Variants in MGAT4C observed in about 807,000 individuals in gnomAD.
The protein encoded by MGAT4C is MGAT4 family member C.
A neutral mutation model predicts 40.1 loss-of-function variants in MGAT4C; 19 were observed. The observed-to-expected ratio is 0.47, with a 90% CI of 0.33 to 0.70. The LOEUF is 0.70. Ranked by LOEUF, MGAT4C falls within the 30% of genes least tolerant of loss-of-function variation. MGAT4C has a pLI of 0.02. For synonymous variants in MGAT4C, 181 were observed against 187.1 expected, an observed-to-expected ratio of 0.97 and a Z score of 0.27; for missense variants, 491 against 563.2, an observed-to-expected ratio of 0.87 and a Z score of 1.30.
At chr12:86,097,575 T>C (rs971610169) in intron 1 of MGAT4C, among the ~76,000 whole-genome samples, 3 of 151,634 alleles carry the variant, frequency 2.0e-5, no homozygotes, top group African/African-American at 7.2e-5. Context: ...TACTGGAAAT[T>C]ACCATAAGAC....
At chr12:86,552,309 G>A (rs1475593900) in intron 2 of MGAT4C, among the ~76,000 whole-genome samples, 2 of 151,840 alleles carry the variant, frequency 1.3e-5, no homozygotes, top group Non-Finnish European at 2.9e-5. Context: ...ACTCATTTGT[G>A]GAAGCAAAAA....
chr12:86,224,100 T>C (rs541651830), intron 1 of MGAT4C, among the ~76,000 whole-genome samples: 1 of 152,182 alleles, frequency 6.6e-6, no homozygotes, highest in African/African-American at 2.4e-5. Flanking sequence ...AGCCACCCAC[T>C]AACACTACGG....
At chr12:86,660,645 T>G (rs1251745603) in intron 2 of MGAT4C, among the ~76,000 whole-genome samples, 1 of 152,086 alleles carries the variant, frequency 6.6e-6, no homozygotes, top group Non-Finnish European at 1.5e-5. Context: ...AAAAGTGCAG[T>G]GAAGGCTGCT....
At chr12:86,115,316 G>C (rs963096662) in intron 1 of MGAT4C, among the ~76,000 whole-genome samples, 1 of 151,842 alleles carries the variant, frequency 6.6e-6, no homozygotes, top group African/African-American at 2.4e-5. Flanking sequence ...AGTGGAAAAA[G>C]GTGGAGGAAA....
chr12:86,304,336 T>C (rs7972484), intron 4 of MGAT4C, among the ~76,000 whole-genome samples: 99,008 of 150,014 alleles, frequency 0.66, 34,431 homozygotes, highest in South Asian at 0.78. Flanking sequence ...GTTGTTATTT[T>C]TGGCATTTTT....
chr12:86,252,652 G>A (rs1002090513), intron 1 of MGAT4C, among the ~76,000 whole-genome samples: 1 of 151,710 alleles, frequency 6.6e-6, no homozygotes, highest in Non-Finnish European at 1.5e-5. Context: ...TCTCTAGTTT[G>A]CTTGTTCAAA....
At chr12:86,320,056 C>T (rs1954342630) in intron 4 of MGAT4C, among the ~76,000 whole-genome samples, 1 of 152,078 alleles carries the variant, frequency 6.6e-6, no homozygotes, top group African/African-American at 2.4e-5. Context: ...CTGATATCTG[C>T]AGTTCTGCCC....
intron 2 of MGAT4C, among the ~76,000 whole-genome samples, chr12:86,558,334 A>T (rs1959708571): frequency 6.6e-6 from 1 of 152,178 alleles, no homozygotes; most frequent in Non-Finnish European, 1.5e-5. Flanking sequence ...AGTGATATTG[A>T]TATCTACATT....
rs1592594244 is a variant in MGAT4C at position 85,980,154 on chromosome 12, T to A, written c.572A>T (p.Asp191Val). Residue 191 changes from aspartate (D) to valine (V), a missense_variant, in exon 5 of 5, where the codon GAT (aspartate) becomes GTT (valine). By Grantham distance (152) the Asp-to-Val change is radical (BLOSUM62 -3). Coordinates refer to ENST00000611864, the MANE Select transcript of MGAT4C (RefSeq NM_001351288.2). ...ILDGLKRNYN[D>V]PEDRVKFRSK... ...ACGAAATTTGACTCTATCTTCTGGA[T>A]CATTGTAATTTCTTTTAAGGCCATC... 5.6e-6 allele frequency: 9 copies of A among 1,614,016 alleles called. No individual in the cohort carries two copies. The East Asian group carries it at 6.7e-5, about 12-fold the overall frequency.
At chr12:86,425,953 TC>T (rs1956917353) in intron 3 of MGAT4C, among the ~76,000 whole-genome samples, 1 of 152,156 alleles carries the variant, frequency 6.6e-6, no homozygotes, top group Non-Finnish European at 1.5e-5. Context: ...AATCATATAC[TC>T]CAGTCCAGAT....
chr12:86,744,152 G>A (rs1427676395), intron 1 of MGAT4C, among the ~76,000 whole-genome samples: 4 of 151,492 alleles, frequency 2.6e-5, no homozygotes, highest in Non-Finnish European at 5.9e-5. Flanking sequence ...TGCTCCACAA[G>A]AGCTGTAAAA....
At chr12:86,369,103 A>G (rs535627773) in intron 3 of MGAT4C, among the ~76,000 whole-genome samples, 2 of 151,868 alleles carry the variant, frequency 1.3e-5, no homozygotes, top group Non-Finnish European at 2.9e-5. Flanking sequence ...TGCCATTTTT[A>G]TTATTATGTA....
intron 4 of MGAT4C, among the ~76,000 whole-genome samples, chr12:85,982,532 G>T (rs1000751016): frequency 2.0e-5 from 3 of 152,136 alleles, no homozygotes; most frequent in Non-Finnish European, 1.5e-5. Flanking sequence ...AAATCAGGCT[G>T]CATACTAAAA....
At chr12:86,437,678 A>G (rs1200631990) in intron 2 of MGAT4C, among the ~76,000 whole-genome samples, 1 of 151,974 alleles carries the variant, frequency 6.6e-6, no homozygotes, top group African/African-American at 2.4e-5. Flanking sequence ...TTTCTAATAC[A>G]AAGTGCTCAC....
chr12:86,456,706 A>T (rs1355682362), intron 2 of MGAT4C, among the ~76,000 whole-genome samples: 1 of 152,122 alleles, frequency 6.6e-6, no homozygotes, highest in African/African-American at 2.4e-5. Flanking sequence ...AGAAAGCCTG[A>T]AAAGGGGGCA....
chr12:86,228,828 A>C (rs542550436), intron 1 of MGAT4C, among the ~76,000 whole-genome samples: 8 of 152,066 alleles, frequency 5.3e-5, no homozygotes, highest in Non-Finnish European at 8.9e-5. Context: ...TCTTGTTAAG[A>C]TCAGCAAAGT....
chr12:86,460,564 A>T (rs950774027), intron 2 of MGAT4C, among the ~76,000 whole-genome samples: 2 of 152,064 alleles, frequency 1.3e-5, no homozygotes, highest in Non-Finnish European at 2.9e-5. Flanking sequence ...GAAAGACTTC[A>T]TATTGTTTTA....
intron 1 of MGAT4C, among the ~76,000 whole-genome samples, chr12:86,090,292 T>TA (rs1872665718): frequency 6.6e-6 from 1 of 151,756 alleles, no homozygotes. Context: ...TATATTCATT[T>TA]AAAAACTTTA....
rs188521174 is a variant in MGAT4C, at chr12:86,051,793, A to G, written c.-56-2070T>C. On this transcript the variant is annotated intron_variant, in intron 1 of 4. Coordinates refer to ENST00000611864, the MANE Select transcript of MGAT4C (RefSeq NM_001351288.2). ...AATTAGTATTAGATAGAATTATAAT[A>G]GATATAATTTAGTTGATTTTGGATC... is the stretch of plus-strand genomic sequence containing the variant. 8.7e-4 allele frequency among the ~76,000 whole-genome samples: 132 copies of G among 151,436 alleles called. 1 individual carries two copies. Among genetic ancestry groups the G allele is most frequent in the Admixed American group, 1.9e-3 (29 of 15,148 alleles).
Sources: allele counts gnomAD v4.1 joint callset (sites outside exome capture counted in the v4.1 genomes callset), GRCh38; gene constraint gnomAD v4.1.1; transcripts MANE v1.5; gene names NCBI Gene and HGNC (gene_info 2026-07-23, HGNC 2026-07-21).